The following RGS18 variants were observed in gnomAD, a reference collection of about 807,000 sequenced individuals.
RGS18 encodes regulator of G-protein signaling 18.
A neutral mutation model predicts 27.6 loss-of-function variants in RGS18; 22 were observed. That is an observed-to-expected ratio of 0.80 (90% CI 0.57 to 1.14). The LOEUF is 1.14. Ranked by LOEUF, RGS18 falls within the 50% of genes most tolerant of loss-of-function variation. RGS18 has a pLI of 0.00. For synonymous variants in RGS18, 89 were observed against 84.6 expected, an observed-to-expected ratio of 1.05 and a Z score of -0.29; for missense variants, 299 against 269.6, an observed-to-expected ratio of 1.11 and a Z score of -0.76.
intron 3 of RGS18, among the ~76,000 whole-genome samples, chr1:192,172,831 C>A (rs1432342762): frequency 7.0e-6 from 1 of 143,178 alleles, no homozygotes; most frequent in East Asian, 2.3e-4. Context: ...CTCTGCCTAC[C>A]AAAGGAAACA....
chr1:192,183,337 T>A (rs1656487966), intron 4 of RGS18, among the ~76,000 whole-genome samples: 1 of 151,596 alleles, frequency 6.6e-6, no homozygotes. Context: ...TTGGAGGAAA[T>A]CATCATAACA....
intron 3 of RGS18, among the ~76,000 whole-genome samples, chr1:192,178,966 G>A (rs1656402921): frequency 6.6e-6 from 1 of 151,494 alleles, no homozygotes; most frequent in Non-Finnish European, 1.5e-5. Flanking sequence ...AAAATGTCAA[G>A]AGAGAAGATG....
chr1:192,175,520 T>C lies in RGS18; in HGVS notation c.284-5772T>C, dbSNP rs541713687. ...TCTTAGTATGAGGACAAGACCTTTC[T>C]TAGTAGTAGGACAAGACATAGTGTT... On this transcript the variant is annotated intron_variant, in intron 3 of 4. Transcript: ENST00000367460. 1.0e-3 allele frequency among the ~76,000 whole-genome samples: 155 copies of C among 152,044 alleles called. 1 individual carries two copies. Among genetic ancestry groups the C allele is most frequent in the Non-Finnish European group, 1.8e-3 (120 of 67,918 alleles).
chr1:192,160,306 G>A lies in RGS18; in HGVS notation c.222-72G>A, dbSNP rs1053564156. On this transcript the variant is annotated intron_variant, in intron 2 of 4. Coordinates refer to ENST00000367460, the MANE Select transcript of RGS18 (RefSeq NM_130782.3). ...TATAATTGAAAAGAGCAGTAAAATAGCATATGTTAGAACAGATTCATAAAC... is the reference window on the plus strand; with the variant it reads ...TATAATTGAAAAGAGCAGTAAAATAACATATGTTAGAACAGATTCATAAAC... 7.3e-5 allele frequency: 59 copies of A among 806,416 alleles called. No homozygotes were observed. The Middle Eastern group carries it at 1.7e-3, about 23-fold the overall frequency. 50.0% of individuals were successfully genotyped at this position (806,416 alleles called of 1,614,324 possible).
intron 4 of RGS18, 24 bp from the exon 5 acceptor site, chr1:192,184,273 C>T (rs756132971): frequency 2.5e-6 from 4 of 1,595,404 alleles, no homozygotes; most frequent in African/African-American, 2.7e-5. Context: ...TAACTATAAT[C>T]ACACTTTTTT....
chr1:192,165,662 G>A (rs1172860607), intron 3 of RGS18, among the ~76,000 whole-genome samples: 1 of 152,118 alleles, frequency 6.6e-6, no homozygotes, highest in Non-Finnish European at 1.5e-5. Context: ...TTGGGGTCTG[G>A]TTCCCCTGAT....
chr1:192,184,126 T>G (rs1262208089), intron 4 of RGS18, among the ~76,000 whole-genome samples, 171 bp from the exon 5 acceptor site: 7 of 151,590 alleles, frequency 4.6e-5, no homozygotes, highest in African/African-American at 1.5e-4. Flanking sequence ...CCACCTCCAA[T>G]GCTGGGGATT....
rs768462708 is a variant in RGS18 at position 192,181,245 on chromosome 1, C to A, written c.284-47C>A. 8.2e-5 allele frequency: 87 copies of A among 1,061,236 alleles called. 1 individual carries two copies. The highest frequency in any genetic ancestry group is 3.1e-5 in the Non-Finnish European group (23 of 745,478). 65.7% of individuals were successfully genotyped at this position (1,061,236 alleles called of 1,614,324 possible). A position where few individuals can be genotyped will look rare whatever the true frequency, so the allele number is the denominator to read the frequency against. On this transcript the variant is annotated intron_variant, in intron 3 of 4. Transcript: ENST00000367460. ...TTTTATTATCAATCAGTAAATGTTT[C>A]CAACATTAATACCATTTTATAGTTA...
chr1:192,169,119 A>G (rs1183245464), intron 3 of RGS18: 1 of 152,200 alleles, frequency 6.6e-6, no homozygotes, highest in Non-Finnish European at 1.5e-5. Flanking sequence ...ATAAATAACA[A>G]TTTCAGCTAT....
chr1:192,181,285 T>C lies in RGS18; in HGVS notation c.284-7T>C, dbSNP rs766080807. ...TTTTATAGTTATATTATTTATTTTCTTGATAGATGGACTAGAGGCTTTTAC... is the reference window on the plus strand; with the variant it reads ...TTTTATAGTTATATTATTTATTTTCCTGATAGATGGACTAGAGGCTTTTAC... On this transcript the variant is annotated splice_polypyrimidine_tract_variant and splice_region_variant and intron_variant, in intron 3 of 4. Transcript: ENST00000367460. 2 of 1,400,608 alleles carry C rather than the reference T, an allele frequency of 1.4e-6. No homozygotes were observed. Among genetic ancestry groups the C allele is most frequent in the East Asian group, 2.4e-5 (1 of 41,940 alleles). The allele number at this position is 1,400,608 out of a possible 1,614,324, so 86.8% of individuals were successfully genotyped here. A position where few individuals can be genotyped will look rare whatever the true frequency, so the allele number is the denominator to read the frequency against.
chr1:192,167,605 G>A (rs560971414), intron 3 of RGS18, among the ~76,000 whole-genome samples: 109 of 152,114 alleles, frequency 7.2e-4, no homozygotes, highest in Non-Finnish European at 1.3e-3. Flanking sequence ...ATCTTTAGTA[G>A]AGACAGGGTT....
intron 3 of RGS18, chr1:192,163,248 A>G: frequency 6.6e-6 from 1 of 152,302 alleles, no homozygotes; most frequent in South Asian, 2.1e-4. Context: ...ATATTTACTA[A>G]CCAGCTTAAT....
intron 4 of RGS18, among the ~76,000 whole-genome samples, chr1:192,182,853 T>G (rs1049517107): frequency 1.3e-5 from 2 of 151,612 alleles, no homozygotes; most frequent in African/African-American, 2.4e-5. Context: ...AATTTAATTT[T>G]GGCTCATCTA....
chr1:192,170,510 G>T (rs1311789968), intron 3 of RGS18, among the ~76,000 whole-genome samples: 3 of 152,042 alleles, frequency 2.0e-5, no homozygotes, highest in Non-Finnish European at 4.4e-5. Context: ...GAGCTGATGA[G>T]CCATGAGCTA....
intron 4 of RGS18, among the ~76,000 whole-genome samples, chr1:192,182,097 G>A (rs1372016820): frequency 6.6e-6 from 1 of 151,490 alleles, no homozygotes; most frequent in Non-Finnish European, 1.5e-5. Flanking sequence ...ATCCTTTGAT[G>A]GACATTTAGG....
intron 3 of RGS18, 42 bp from the exon 4 acceptor site, chr1:192,181,250 A>G (rs761760052): frequency 2.7e-6 from 3 of 1,128,084 alleles, no homozygotes; most frequent in Non-Finnish European, 3.8e-6. Flanking sequence ...TGTTTCCAAC[A>G]TTAATACCAT....
At chr1:192,181,596 T>G (rs1220838737) in intron 4 of RGS18, 138 bp downstream of exon 4, 6 of 559,798 alleles carry the variant, frequency 1.1e-5, no homozygotes, top group African/African-American at 4.0e-5. Context: ...ATTACACATG[T>G]TAATGACATA....
In RGS18 at chr1:192,184,348, C is replaced by A; in HGVS notation, c.502C>A (p.Pro168Thr). 6.2e-7 allele frequency: 1 copy of A among 1,611,432 alleles called. No homozygotes were observed. Among genetic ancestry groups the A allele is most frequent in the Non-Finnish European group, 8.5e-7 (1 of 1,178,258 alleles). The stretch of plus-strand genomic sequence containing the variant: ...AGTCATTACAAACAGCATCACTCAA[C>A]CTACCCTCCACAGTTTTGATGCTGC... Reference protein sequence around the residue: ...KEVITNSITQPTLHSFDAAQS... With the variant: ...KEVITNSITQTTLHSFDAAQS... Residue 168 changes from proline to threonine, a missense_variant, in exon 5 of 5, where the codon CCT becomes ACT. By Grantham distance (38) the Pro-to-Thr change is conservative. Transcript: ENST00000367460.
chr1:192,169,504 C>A (rs907013692), intron 3 of RGS18: 3 of 152,008 alleles, frequency 2.0e-5, no homozygotes, highest in Admixed American at 2.0e-4. Flanking sequence ...AACTGAGGAA[C>A]AAGGAAGGAC....
Sources: gnomAD v4.1 joint callset for allele counts (sites outside exome capture counted in the v4.1 genomes callset) on GRCh38, gnomAD v4.1.1 for gene constraint, MANE v1.5 for transcripts, NCBI Gene and HGNC (gene_info 2026-07-23, HGNC 2026-07-21) for gene names.